GALNT17: variants seen among roughly 807,000 people sequenced by gnomAD.
GALNT17 encodes UDP-GalNAc:polypeptide N-acetylgalactosaminyltransferase-like 3.
GALNT17 carries 29 observed loss-of-function variants against 63.7 expected under a neutral mutation model. The observed-to-expected ratio is 0.46, with a 90% CI of 0.34 to 0.62. The LOEUF is 0.62. GALNT17 is among the 20% of genes least tolerant of loss of function. GALNT17 has a pLI of 0.01. For synonymous variants in GALNT17, 305 were observed against 318.3 expected, an observed-to-expected ratio of 0.96 and a Z score of 0.45; for missense variants, 603 against 799.6, an observed-to-expected ratio of 0.75 and a Z score of 2.97.
chr7:71,354,405 G>C (rs1379674095), intron 2 of GALNT17, among the ~76,000 whole-genome samples: 3 of 152,146 alleles, frequency 2.0e-5, no homozygotes, highest in African/African-American at 7.2e-5. Context: ...TAGTTTTAAT[G>C]ATCTTGAGGG....
intron 9 of GALNT17, among the ~76,000 whole-genome samples, chr7:71,684,132 G>T (rs1013864935): frequency 3.3e-5 from 5 of 152,066 alleles, no homozygotes; most frequent in Non-Finnish European, 7.4e-5. Flanking sequence ...GTTCTACCAG[G>T]CTGTTGCCCT....
At chr7:71,660,602 A>G (rs570320470) in intron 6 of GALNT17, among the ~76,000 whole-genome samples, 25 of 152,232 alleles carry the variant, frequency 1.6e-4, no homozygotes, top group Non-Finnish European at 3.4e-4. Flanking sequence ...TATGTGTGGT[A>G]GAAACATAAA....
At position 71,627,635 on chromosome 7, in the gene GALNT17, T is replaced by C. The variant is rs934261053; in HGVS notation, c.1081-37776T>C. On this transcript the variant is annotated intron_variant, in intron 6 of 10. Coordinates refer to ENST00000333538, the MANE Select transcript of GALNT17 (RefSeq NM_022479.3). ...ACCACAAGACCTGTCCGGTAGACAA[T>C]AGATAACAAGACCTACTACATCCAC... Among the ~76,000 whole-genome samples, 3 of 152,188 alleles carry C rather than the reference T, an allele frequency of 2.0e-5. No homozygotes were observed. In the East Asian group the frequency reaches 5.8e-4, roughly 29 times the overall value.
chr7:71,137,431 G>C (rs1329713615), intron 1 of GALNT17, among the ~76,000 whole-genome samples: 1 of 152,142 alleles, frequency 6.6e-6, no homozygotes, highest in Non-Finnish European at 1.5e-5. Flanking sequence ...GAGCCACCGC[G>C]CCCGGCCATT....
chr7:71,280,895 C>G (rs1241477626), intron 1 of GALNT17, among the ~76,000 whole-genome samples: 1 of 152,138 alleles, frequency 6.6e-6, no homozygotes, highest in Admixed American at 6.5e-5. Context: ...AGTAGGGTCA[C>G]CCTGATCCCC....
intron 1 of GALNT17, among the ~76,000 whole-genome samples, chr7:71,223,224 C>T (rs560947880): frequency 6.6e-6 from 1 of 152,268 alleles, no homozygotes; most frequent in Admixed American, 6.5e-5. Context: ...CTATTTTTAG[C>T]ATTCACTGAT....
intron 1 of GALNT17, among the ~76,000 whole-genome samples, chr7:71,295,825 C>A (rs1463652948): frequency 1.3e-5 from 2 of 151,936 alleles, no homozygotes; most frequent in Non-Finnish European, 2.9e-5. Flanking sequence ...AAACACCTGG[C>A]CTCAAGCAAT....
chr7:71,600,683 G>A (rs114939186), intron 6 of GALNT17, among the ~76,000 whole-genome samples: 82 of 152,268 alleles, frequency 5.4e-4, no homozygotes, highest in African/African-American at 1.9e-3. Flanking sequence ...TGGAGGAATG[G>A]GACCTAAAGG....
intron 1 of GALNT17, among the ~76,000 whole-genome samples, chr7:71,312,071 T>G (rs1417452655): frequency 2.0e-5 from 3 of 152,212 alleles, no homozygotes; most frequent in Non-Finnish European, 4.4e-5. Flanking sequence ...CACCCTAAAG[T>G]TACCTCCTGT....
rs115147047 is a variant in GALNT17, at chr7:71,339,099, C to T, written c.422+3366C>T. On this transcript the variant is annotated intron_variant, in intron 2 of 10. Transcript: ENST00000333538. ...AACATGGCCCTATTTTTTTGTACTTCTATAAGAATGAAAATGCCTTCAAAA... is the reference window on the plus strand; with the variant it reads ...AACATGGCCCTATTTTTTTGTACTTTTATAAGAATGAAAATGCCTTCAAAA... 4.6e-3 allele frequency among the ~76,000 whole-genome samples: 700 copies of T among 152,128 alleles called. 5 individuals carry two copies. Among genetic ancestry groups the T allele is most frequent in the African/African-American group, 0.016 (673 of 41,524 alleles).
chr7:71,221,466 A>G (rs1250926511), intron 1 of GALNT17, among the ~76,000 whole-genome samples: 2 of 149,740 alleles, frequency 1.3e-5, no homozygotes, highest in South Asian at 2.1e-4. Context: ...CTGGGCATGA[A>G]TTAACATCTC....
intron 5 of GALNT17, among the ~76,000 whole-genome samples, chr7:71,499,118 T>C (rs1265790097): frequency 6.6e-6 from 1 of 152,052 alleles, no homozygotes; most frequent in Non-Finnish European, 1.5e-5. Flanking sequence ...TTTTTTTAAA[T>C]CTCCATACCT....
intron 1 of GALNT17, among the ~76,000 whole-genome samples, chr7:71,208,922 G>A (rs17592881): frequency 0.31 from 47,094 of 151,978 alleles, 8,788 homozygotes; most frequent in South Asian, 0.53. Flanking sequence ...TGCTACCTTT[G>A]TCCAGTAATT....
chr7:71,205,391 A>C (rs1328105483), intron 1 of GALNT17, among the ~76,000 whole-genome samples: 1 of 151,960 alleles, frequency 6.6e-6, no homozygotes, highest in Non-Finnish European at 1.5e-5. Flanking sequence ...TGACCTCGTG[A>C]TCCGCCTGCC....
chr7:71,398,153 A>G (rs140692642), intron 3 of GALNT17, among the ~76,000 whole-genome samples: 19 of 152,048 alleles, frequency 1.2e-4, no homozygotes, highest in African/African-American at 4.3e-4. Flanking sequence ...TCCATCCTCA[A>G]TCTATTGTCT....
intron 5 of GALNT17, among the ~76,000 whole-genome samples, chr7:71,483,394 C>T (rs1332167633): frequency 3.3e-5 from 5 of 151,818 alleles, no homozygotes; most frequent in African/African-American, 7.2e-5. Context: ...TGCTTGAACC[C>T]GGGAGGTGGA....
chr7:71,311,356 C>T (rs536550024), intron 1 of GALNT17, among the ~76,000 whole-genome samples: 22 of 152,250 alleles, frequency 1.4e-4, no homozygotes, highest in East Asian at 5.8e-4. Flanking sequence ...TAAGCCATAC[C>T]GGAATGGGGC....
intron 5 of GALNT17, among the ~76,000 whole-genome samples, chr7:71,543,354 G>A (rs889923457): frequency 1.2e-4 from 19 of 152,130 alleles, no homozygotes; most frequent in African/African-American, 4.1e-4. Flanking sequence ...ATTGCTAGTC[G>A]ACTAACCAGG....
At chr7:71,207,400 T>C (rs1437605655) in intron 1 of GALNT17, among the ~76,000 whole-genome samples, 1 of 152,218 alleles carries the variant, frequency 6.6e-6, no homozygotes, top group African/African-American at 2.4e-5. Flanking sequence ...TCTGCCCCCA[T>C]GTCCTTATCT....
Sources: allele counts gnomAD v4.1 joint callset (sites outside exome capture counted in the v4.1 genomes callset), GRCh38; gene constraint gnomAD v4.1.1; transcripts MANE v1.5; gene names NCBI Gene and HGNC (gene_info 2026-07-23, HGNC 2026-07-21).